Variants in OR2L5 observed in about 807,000 individuals in gnomAD.
OR2L5 encodes olfactory receptor 2L5.
For missense variants in OR2L5, 413 were observed against 381.6 expected (o/e 1.08, Z -0.69); for synonymous variants, 169 against 142.0 (o/e 1.19, Z -1.35).
chr1:248,018,174 C>T lies in OR2L5; in HGVS notation c.-21-3753C>T, dbSNP rs1410003545. Among the ~76,000 whole-genome samples, 64 of 149,282 alleles carry T rather than the reference C, an allele frequency of 4.3e-4. 1 individual carries two copies. Among genetic ancestry groups the T allele is most frequent in the Non-Finnish European group, 1.2e-4 (8 of 67,728 alleles). On this transcript the variant is annotated intron_variant, in intron 1 of 1. Coordinates refer to ENST00000355281, the MANE Select transcript of OR2L5 (RefSeq NM_001258284.2). ...TCTCAAAAAAATAAAAAAAAAAATTCGTTATTTTTCTTTTTTAAAAATGAG... is the reference window on the plus strand; with the variant it reads ...TCTCAAAAAAATAAAAAAAAAAATTTGTTATTTTTCTTTTTTAAAAATGAG...
Position 248,022,972 on chromosome 1 carries a change from C to T in OR2L5, c.*86C>T. ...GTGAAGAAAAACATTATTACATGCC[C>T]AGTATGTCAAACAGAGATTAATCCA... On this transcript the variant is annotated 3_prime_UTR_variant, in exon 2 of 2. Coordinates refer to ENST00000355281, the MANE Select transcript of OR2L5 (RefSeq NM_001258284.2). 8.2e-7 allele frequency: 1 copy of T among 1,214,612 alleles called. No individual in the cohort carries two copies. Among genetic ancestry groups the T allele is most frequent in the Non-Finnish European group, 1.2e-6 (1 of 868,664 alleles). 75.2% of individuals were successfully genotyped at this position (1,214,612 alleles called of 1,614,324 possible).
At chr1:248,017,563 G>T (rs187514391) in intron 1 of OR2L5, among the ~76,000 whole-genome samples, 4 of 152,204 alleles carry the variant, frequency 2.6e-5, no homozygotes, top group Non-Finnish European at 5.9e-5. Context: ...AGCAGGACAG[G>T]CTTCTGCCTT....
At position 248,022,960 on chromosome 1, in the gene OR2L5, T is replaced by G. The variant is rs1662385287; in HGVS notation, c.*74T>G. On this transcript the variant is annotated 3_prime_UTR_variant, in exon 2 of 2. Transcript: ENST00000355281. ...CAGTGTACAGCAGTGAAGAAAAACA[T>G]TATTACATGCCCAGTATGTCAAACA... is the stretch of plus-strand genomic sequence containing the variant. 1 of 1,319,320 alleles carries G rather than the reference T, an allele frequency of 7.6e-7. No homozygotes were observed. Among genetic ancestry groups the G allele is most frequent in the Non-Finnish European group, 1.0e-6 (1 of 957,322 alleles). 81.7% of individuals were successfully genotyped at this position (1,319,320 alleles called of 1,614,324 possible). A position where few individuals can be genotyped will look rare whatever the true frequency, so the allele number is the denominator to read the frequency against.
chr1:248,016,935 C>G (rs933647310), intron 1 of OR2L5, among the ~76,000 whole-genome samples: 4 of 152,026 alleles, frequency 2.6e-5, no homozygotes, highest in African/African-American at 4.8e-5. Flanking sequence ...AGGATTAAAT[C>G]TAATGGAATT....
At chr1:248,021,893 A>T (rs1662343502) in intron 1 of OR2L5, 34 bp from the exon 2 acceptor site, 5 of 1,400,518 alleles carry the variant, frequency 3.6e-6, no homozygotes, top group Non-Finnish European at 4.0e-6. Context: ...ATGGGGAACT[A>T]CTGTACTTGA....
At chr1:248,021,665 AAGAT>A (rs904402734) in intron 1 of OR2L5, among the ~76,000 whole-genome samples, 3 of 152,248 alleles carry the variant, frequency 2.0e-5, no homozygotes, top group Non-Finnish European at 4.4e-5. Flanking sequence ...GAAAAAGAAA[AAGAT>A]AGAAACTGCA....
intron 1 of OR2L5, among the ~76,000 whole-genome samples, chr1:248,017,536 A>G (rs1320227001): frequency 6.6e-6 from 1 of 152,196 alleles, no homozygotes; most frequent in Non-Finnish European, 1.5e-5. Context: ...TTTTTCTTCC[A>G]AGCTTAGCTG....
chr1:248,022,932 C>T lies in OR2L5; in HGVS notation c.*46C>T. 3 of 1,468,340 alleles carry T rather than the reference C, an allele frequency of 2.0e-6. No individual in the cohort carries two copies. Among genetic ancestry groups the T allele is most frequent in the East Asian group, 4.6e-5 (2 of 43,878 alleles). The allele number at this position is 1,468,340 out of a possible 1,614,324, so 91.0% of individuals were successfully genotyped here. A position where few individuals can be genotyped will look rare whatever the true frequency, so the allele number is the denominator to read the frequency against. On this transcript the variant is annotated 3_prime_UTR_variant, in exon 2 of 2. Coordinates refer to ENST00000355281, the MANE Select transcript of OR2L5 (RefSeq NM_001258284.2). ...TCAAAGCGCTAGGTTCATATCAACT[C>T]AGCAGTGTACAGCAGTGAAGAAAAA...
chr1:248,018,579 A>G (rs556288506), intron 1 of OR2L5, among the ~76,000 whole-genome samples: 2 of 152,330 alleles, frequency 1.3e-5, no homozygotes, highest in South Asian at 4.1e-4. Flanking sequence ...GAATTTTCTT[A>G]AAATGTATTT....
chr1:248,021,346 T>G (rs905476318), intron 1 of OR2L5, among the ~76,000 whole-genome samples: 1 of 152,182 alleles, frequency 6.6e-6, no homozygotes, highest in African/African-American at 2.4e-5. Flanking sequence ...TATAAATAAT[T>G]CACAGTCTAA....
rs758625179 is a variant in OR2L5 at position 248,021,946 on chromosome 1, C to T, written c.-2C>T. The T allele has an allele frequency of 5.1e-5, 82 of 1,609,300 alleles. No individual in the cohort carries two copies. The highest frequency in any genetic ancestry group is 6.4e-5 in the Non-Finnish European group (75 of 1,176,718). ...CTTCAGGAAGGATCGTATGAATGCC[C>T]CATGGAAAATTACAATCAAACGTCA... On this transcript the variant is annotated 5_prime_UTR_variant, in exon 2 of 2. Transcript: ENST00000355281.
intron 1 of OR2L5, among the ~76,000 whole-genome samples, chr1:248,015,354 T>C (rs1325632762): frequency 6.6e-6 from 1 of 152,164 alleles, no homozygotes; most frequent in Non-Finnish European, 1.5e-5. Context: ...AGAGCCGTCC[T>C]TGCCTATACT....
chr1:248,020,817 A>C (rs558086905), intron 1 of OR2L5, among the ~76,000 whole-genome samples: 74 of 151,334 alleles, frequency 4.9e-4, no homozygotes, highest in African/African-American at 1.6e-3. Context: ...TTTATTTTTT[A>C]TTATACTTTA....
At chr1:248,021,506 T>C (rs2103077954) in intron 1 of OR2L5, among the ~76,000 whole-genome samples, 1 of 152,292 alleles carries the variant, frequency 6.6e-6, no homozygotes, top group African/African-American at 2.4e-5. Context: ...CTTCATAAAT[T>C]ATCAGTTGGA....
chr1:248,018,966 G>A (rs1490097890), intron 1 of OR2L5, among the ~76,000 whole-genome samples: 6 of 152,088 alleles, frequency 3.9e-5, no homozygotes, highest in Admixed American at 1.3e-4. Context: ...GTTGTAGCAT[G>A]TGTCACAATT....
intron 1 of OR2L5, among the ~76,000 whole-genome samples, chr1:248,019,250 A>T (rs769694292): frequency 2.0e-5 from 3 of 152,218 alleles, no homozygotes; most frequent in Non-Finnish European, 4.4e-5. Context: ...TTTGACTTTA[A>T]TATGCATTTA....
intron 1 of OR2L5, among the ~76,000 whole-genome samples, chr1:248,015,040 A>G (rs940681149): frequency 2.0e-5 from 3 of 152,132 alleles, no homozygotes; most frequent in Non-Finnish European, 4.4e-5. Context: ...GTATCTATCT[A>G]TGAGAGCTGA....
chr1:248,019,785 C>T (rs1662292342), intron 1 of OR2L5, among the ~76,000 whole-genome samples: 1 of 151,494 alleles, frequency 6.6e-6, no homozygotes, highest in African/African-American at 2.4e-5. Flanking sequence ...TGTTCTGCTT[C>T]TTTCTTCTTC....
intron 1 of OR2L5, 105 bp from the exon 2 acceptor site, chr1:248,021,822 T>G (rs929459607): frequency 1.2e-5 from 8 of 667,302 alleles, no homozygotes; most frequent in Admixed American, 5.4e-5. Context: ...TATATAGGGT[T>G]CAGTGTCAAC....
Sources: allele counts gnomAD v4.1 joint callset (sites outside exome capture counted in the v4.1 genomes callset), GRCh38; gene constraint gnomAD v4.1.1; transcripts MANE v1.5; gene names NCBI Gene and HGNC (gene_info 2026-07-23, HGNC 2026-07-21).